CTNNA3: variants seen among roughly 807,000 people sequenced by gnomAD.
The protein encoded by CTNNA3 is catenin alpha 3, also known as catenin alpha-3.
In CTNNA3, 76 loss-of-function variants were observed where a neutral mutation model predicts 95.7. That is an observed-to-expected ratio of 0.79 (90% confidence interval 0.66 to 0.96). The LOEUF (loss-of-function observed/expected upper bound fraction) is 0.96, where lower values mean the gene tolerates loss of function less well. Ranked by LOEUF, CTNNA3 falls within the 40% of genes least tolerant of loss-of-function variation. The probability of loss-of-function intolerance (pLI) is 0.00; values close to 1 mark genes in which losing one functional copy is unlikely to be tolerated. For synonymous variants in CTNNA3, 431 were observed against 374.4 expected, an observed-to-expected ratio of 1.15 and a Z score of -1.74; for missense variants, 1,191 against 1,089.8, an observed-to-expected ratio of 1.09 and a Z score of -1.31.
chr10:65,949,379 A>G (rs1436912656), intron 17 of CTNNA3, among the ~76,000 whole-genome samples: 3 of 152,202 alleles, frequency 2.0e-5, no homozygotes, highest in African/African-American at 7.2e-5. Context: ...AGGATAGAGA[A>G]TATATATAAA....
At chr10:66,882,148 T>G (rs896502919) in intron 7 of CTNNA3, among the ~76,000 whole-genome samples, 1 of 152,074 alleles carries the variant, frequency 6.6e-6, no homozygotes, top group African/African-American at 2.4e-5. Flanking sequence ...CATGCCACTT[T>G]GGATAGCATT....
chr10:67,463,646 C>CT (rs1478997132), intron 5 of CTNNA3, among the ~76,000 whole-genome samples: 7 of 152,158 alleles, frequency 4.6e-5, no homozygotes, highest in African/African-American at 1.7e-4. Flanking sequence ...AAACCAGCAT[C>CT]TACAACTATA....
chr10:66,562,108 AC>A (rs1842572664), intron 10 of CTNNA3, among the ~76,000 whole-genome samples: 1 of 152,102 alleles, frequency 6.6e-6, no homozygotes. Flanking sequence ...AAATTTATAC[AC>A]ACGTGCATAC....
At chr10:67,261,096 G>A (rs2132390336) in intron 5 of CTNNA3, among the ~76,000 whole-genome samples, 1 of 152,268 alleles carries the variant, frequency 6.6e-6, no homozygotes, top group South Asian at 2.1e-4. Context: ...AGTCATCTTG[G>A]GGACTGGTTT....
At chr10:66,270,218 AT>A (rs1554916530) in intron 13 of CTNNA3, among the ~76,000 whole-genome samples, 164 of 98,742 alleles carry the variant, frequency 1.7e-3, no homozygotes, top group African/African-American at 5.4e-3. Flanking sequence ...ACACTATAAC[AT>A]TTTTTGGGGG....
chr10:67,207,448 T>C (rs1292380058), intron 6 of CTNNA3, among the ~76,000 whole-genome samples: 1 of 152,180 alleles, frequency 6.6e-6, no homozygotes, highest in East Asian at 1.9e-4. Context: ...AACTATTTAT[T>C]TTTCTCATCC....
intron 5 of CTNNA3, among the ~76,000 whole-genome samples, chr10:67,470,145 C>T (rs191047139): frequency 1.3e-5 from 2 of 152,318 alleles, no homozygotes; most frequent in East Asian, 3.9e-4. Context: ...TCTCTATCTT[C>T]ATGAGTTCAG....
intron 14 of CTNNA3, among the ~76,000 whole-genome samples, chr10:66,078,522 C>T (rs1205818576): frequency 6.6e-6 from 1 of 151,848 alleles, no homozygotes; most frequent in Non-Finnish European, 1.5e-5. Context: ...ACTATATTCG[C>T]ACTCTACAAA....
chr10:66,156,031 G>A (rs1440812347), intron 13 of CTNNA3, among the ~76,000 whole-genome samples: 1 of 151,906 alleles, frequency 6.6e-6, no homozygotes, highest in African/African-American at 2.4e-5. Flanking sequence ...AAGACTTCAA[G>A]TTAATTAGTT....
intron 5 of CTNNA3, among the ~76,000 whole-genome samples, chr10:67,502,143 T>C (rs761085695): frequency 2.0e-5 from 3 of 152,160 alleles, no homozygotes; most frequent in Non-Finnish European, 2.9e-5. Context: ...GACCTTCGGA[T>C]GGGGTTTTTG....
chr10:67,058,813 G>C (rs1855589795), intron 7 of CTNNA3, among the ~76,000 whole-genome samples: 1 of 152,132 alleles, frequency 6.6e-6, no homozygotes, highest in Admixed American at 6.6e-5. Flanking sequence ...GAAAATCTGA[G>C]TTCTAGGCTG....
rs1479080267 is a variant in CTNNA3 at position 67,180,307 on chromosome 10, A to G, written c.1047+10T>C. ...GGGGCTAGGGATGGGAAGGCAAACC[A>G]GTCACCTACGTTGTTCATGTACTCT... On this transcript the variant is annotated intron_variant, in intron 7 of 17. Transcript: ENST00000433211. 6.8e-6 allele frequency: 11 copies of G among 1,612,100 alleles called. No homozygotes were observed. Among genetic ancestry groups the G allele is most frequent in the Non-Finnish European group, 9.3e-6 (11 of 1,179,014 alleles).
intron 9 of CTNNA3, among the ~76,000 whole-genome samples, chr10:66,681,924 G>A (rs4428960): frequency 0.55 from 84,227 of 151,980 alleles, 24,097 homozygotes; most frequent in African/African-American, 0.68. Flanking sequence ...TAGCCAAAAG[G>A]ATTGTGTTTT....
intron 16 of CTNNA3, among the ~76,000 whole-genome samples, chr10:65,971,278 C>A (rs888466497): frequency 6.6e-6 from 1 of 150,824 alleles, no homozygotes; most frequent in African/African-American, 2.4e-5. Context: ...ATAAACCAAC[C>A]CAAAAGTTAG....
At chr10:67,418,216 G>A (rs770535246) in intron 5 of CTNNA3, among the ~76,000 whole-genome samples, 5 of 152,076 alleles carry the variant, frequency 3.3e-5, no homozygotes, top group Non-Finnish European at 7.4e-5. Context: ...ATATCATATG[G>A]AAAAGTTTCA....
intron 1 of CTNNA3, among the ~76,000 whole-genome samples, chr10:67,694,213 A>G (rs1483140458): frequency 6.6e-6 from 1 of 152,162 alleles, no homozygotes; most frequent in Non-Finnish European, 1.5e-5. Context: ...AGTATTTTCA[A>G]CTCTGACATG....
At chr10:67,619,183 A>C (rs1239971937) in intron 2 of CTNNA3, among the ~76,000 whole-genome samples, 2 of 152,214 alleles carry the variant, frequency 1.3e-5, no homozygotes, top group African/African-American at 4.8e-5. Flanking sequence ...ATAATTGTGA[A>C]GCTGGAGGCA....
chr10:67,258,433 A>G (rs769798203), intron 5 of CTNNA3, among the ~76,000 whole-genome samples: 43 of 152,216 alleles, frequency 2.8e-4, no homozygotes, highest in Middle Eastern at 3.4e-3. Context: ...TGTGAGCCAC[A>G]GTGCCCGGCC....
In CTNNA3 at chr10:66,426,663, C is replaced by T. The variant is rs542356720; in HGVS notation, c.1532-47311G>A. Reference sequence around the variant, plus strand: ...TTTCTTTCTAGTAGCTTTTAAATTGCCTCTTACCATTAACTTCTTTCTTTA... The same window carrying T: ...TTTCTTTCTAGTAGCTTTTAAATTGTCTCTTACCATTAACTTCTTTCTTTA... On this transcript the variant is annotated intron_variant, in intron 11 of 17. Coordinates refer to ENST00000433211, the MANE Select transcript of CTNNA3 (RefSeq NM_013266.4). 1.1e-4 allele frequency among the ~76,000 whole-genome samples: 16 copies of T among 151,702 alleles called. No homozygotes were observed. The South Asian group carries it at 3.3e-3, about 31-fold the overall frequency.
Sources: allele counts gnomAD v4.1 joint callset (sites outside exome capture counted in the v4.1 genomes callset), GRCh38; gene constraint gnomAD v4.1.1; transcripts MANE v1.5; gene names NCBI Gene and HGNC (gene_info 2026-07-23, HGNC 2026-07-21).